Variants in EML6 observed in about 807,000 individuals in gnomAD.
EML6 encodes the protein echinoderm microtubule-associated protein-like 6.
EML6 carries 154 observed loss-of-function variants against 240.1 expected under a neutral mutation model. The ratio of observed to expected loss-of-function variants is 0.64; its 90% CI spans 0.56 to 0.73. The LOEUF (loss-of-function observed/expected upper bound fraction) is 0.73. Among genes scored for constraint, EML6 ranks in the 30% least tolerant of loss-of-function variants. The pLI, the probability that EML6 is intolerant of heterozygous loss-of-function variation, is 0.00. For missense variants in EML6, 2,964 were observed against 2,474.6 expected (o/e 1.20, Z -4.20); for synonymous variants, 1,148 against 899.0 (o/e 1.28, Z -4.95).
intron 5 of EML6, 146 bp downstream of exon 5, chr2:54,820,608 A>T (rs1024615013): frequency 1.1e-5 from 6 of 549,600 alleles, no homozygotes; most frequent in African/African-American, 1.9e-5. Flanking sequence ...CTGCTCCTGA[A>T]GCAAACTAAC....
In EML6 at chr2:54,915,398, C is replaced by T. The variant is rs145812968; in HGVS notation, c.3499-1361C>T. On this transcript the variant is annotated intron_variant, in intron 25 of 41. Transcript: ENST00000356458. ...TTGGAAGGGAGTCAATGGCCAAAAG[C>T]ATGCTTCCAGAACCAGCAAGGGATG... 2.0e-3 allele frequency among the ~76,000 whole-genome samples: 300 copies of T among 152,228 alleles called. 1 individual carries two copies. The highest frequency in any genetic ancestry group is 6.9e-3 in the African/African-American group (285 of 41,528).
intron 2 of EML6, among the ~76,000 whole-genome samples, chr2:54,749,056 A>G (rs2103692664): frequency 6.6e-6 from 1 of 152,350 alleles, no homozygotes; most frequent in Non-Finnish European, 1.5e-5. Context: ...AGGAATGTGT[A>G]TACTTTGTAT....
At chr2:54,955,842 G>C (rs557956461) in intron 32 of EML6, among the ~76,000 whole-genome samples, 3 of 152,194 alleles carry the variant, frequency 2.0e-5, no homozygotes, top group African/African-American at 7.2e-5. Context: ...CACCTCTTCC[G>C]GGTTGACCAC....
chr2:54,794,759 C>G (rs767858039), intron 2 of EML6, among the ~76,000 whole-genome samples: 2 of 152,064 alleles, frequency 1.3e-5, no homozygotes, highest in African/African-American at 4.8e-5. Context: ...GTTCAGCTTA[C>G]AAAAATTGTA....
At chr2:54,955,155 G>C (rs1676173217) in intron 32 of EML6, among the ~76,000 whole-genome samples, 1 of 152,198 alleles carries the variant, frequency 6.6e-6, no homozygotes, top group African/African-American at 2.4e-5. Context: ...CTCATTCTCT[G>C]GTTCACCAGT....
chr2:54,853,715 C>G lies in EML6; in HGVS notation c.1517C>G (p.Pro506Arg). The change falls in exon 11 of 42, where the codon CCT (proline) becomes CGT (arginine). Residue 506 changes from proline (P) to arginine (R), a missense_variant. By Grantham distance (103) the Pro-to-Arg change is moderately radical (BLOSUM62 -2). Transcript: ENST00000356458. ...GCCTCCTGGACATGCGTGAAAGGCC[C>G]TGAAGTGAGTGGAATTTGGCCCAAA... is the stretch of plus-strand genomic sequence containing the variant. ...PWASWTCVKGPEVSGIWPKYT... is the reference protein window; with the variant it reads ...PWASWTCVKGREVSGIWPKYT... 1.9e-6 allele frequency: 3 copies of G among 1,551,502 alleles called. No homozygotes were observed. The South Asian group carries it at 3.6e-5, about 18-fold the overall frequency.
At chr2:54,792,417 G>A (rs139942596) in intron 2 of EML6, among the ~76,000 whole-genome samples, 2,252 of 152,290 alleles carry the variant, frequency 0.015, 28 homozygotes, top group Non-Finnish European at 0.022. Flanking sequence ...TTGGGGCTTT[G>A]AATAGGCATC....
At chr2:54,856,639 C>T (rs1167744989) in intron 11 of EML6, among the ~76,000 whole-genome samples, 1 of 152,098 alleles carries the variant, frequency 6.6e-6, no homozygotes, top group African/African-American at 2.4e-5. Context: ...AGCAGGAAGG[C>T]CAGTGTGGCT....
At position 54,869,076 on chromosome 2, in the gene EML6, C is replaced by T. The variant is rs73938642; in HGVS notation, c.2052-105C>T. ...GTCCTATGTGACACCTGGGGTTCCA[C>T]TTGTACATGTTCACGTCAATATGTT... is the stretch of plus-strand genomic sequence containing the variant. On this transcript the variant is annotated intron_variant, in intron 14 of 41. Transcript: ENST00000356458. The T allele has an allele frequency of 0.013, 8,977 of 690,892 alleles. 552 individuals carry two copies. The African/African-American group carries it at 0.13, about 10-fold the overall frequency. 42.8% of individuals were successfully genotyped at this position (690,892 alleles called of 1,614,324 possible).
chr2:54,860,671 C>CGG (rs547074191), intron 12 of EML6, among the ~76,000 whole-genome samples: 158 of 152,316 alleles, frequency 1.0e-3, no homozygotes, highest in Non-Finnish European at 1.9e-3. Flanking sequence ...CCTCCCACTT[C>CGG]GGGGAGCAGA....
intron 24 of EML6, among the ~76,000 whole-genome samples, chr2:54,908,461 C>T (rs1174483662): frequency 6.6e-6 from 1 of 152,072 alleles, no homozygotes; most frequent in Non-Finnish European, 1.5e-5. Flanking sequence ...GTAATAATAA[C>T]AGATGAGTTT....
rs902749113 is a variant in EML6, at chr2:54,963,947, G to A, written c.5158-39G>A. 34 of 1,523,070 alleles carry A rather than the reference G, an allele frequency of 2.2e-5. No individual in the cohort carries two copies. In the Admixed American group the frequency reaches 7.2e-4, roughly 32 times the overall value. The allele number at this position is 1,523,070 out of a possible 1,614,324, so 94.3% of individuals were successfully genotyped here. On this transcript the variant is annotated intron_variant, in intron 36 of 41. Coordinates refer to ENST00000356458, the MANE Select transcript of EML6 (RefSeq NM_001039753.4). ...ATGTCTCCTGGAGACCAGCTGAGGG[G>A]GCCAAGAGCTCAGGTGACTTTCCTT... is the stretch of plus-strand genomic sequence containing the variant.
At chr2:54,836,106 C>A (rs1669127076) in intron 7 of EML6, among the ~76,000 whole-genome samples, 2 of 152,190 alleles carry the variant, frequency 1.3e-5, no homozygotes, top group Admixed American at 1.3e-4. Flanking sequence ...TAGAAGAACA[C>A]TGCAGAGGCC....
chr2:54,967,321 T>C (rs893232884), intron 39 of EML6: 35 of 335,642 alleles, frequency 1.0e-4, no homozygotes, highest in African/African-American at 6.6e-4. Context: ...CCTCTTTTTG[T>C]GTAATTTCTT....
At chr2:54,819,668 C>T (rs777477953) in intron 4 of EML6, among the ~76,000 whole-genome samples, 3 of 149,222 alleles carry the variant, frequency 2.0e-5, no homozygotes, top group Non-Finnish European at 3.0e-5. Context: ...CCCAGCTACT[C>T]GGGAGGCTGA....
At chr2:54,869,888 A>G (rs977026964) in intron 15 of EML6, among the ~76,000 whole-genome samples, 2 of 152,210 alleles carry the variant, frequency 1.3e-5, no homozygotes, top group African/African-American at 4.8e-5. Context: ...AAAAGCTGCT[A>G]AAACAGGGAC....
chr2:54,934,354 C>A (rs947889847), intron 28 of EML6, among the ~76,000 whole-genome samples: 2 of 152,024 alleles, frequency 1.3e-5, no homozygotes, highest in African/African-American at 4.8e-5. Context: ...CCTCCCTTGA[C>A]GAGAGACTGG....
chr2:54,895,268 C>T lies in EML6; in HGVS notation c.2855-5C>T, dbSNP rs547955128. 6.4e-7 allele frequency: 1 copy of T among 1,551,510 alleles called. No homozygotes were observed. Among genetic ancestry groups the T allele is most frequent in the Non-Finnish European group, 8.7e-7 (1 of 1,146,826 alleles). On this transcript the variant is annotated splice_region_variant and splice_polypyrimidine_tract_variant and intron_variant, in intron 20 of 41. Transcript: ENST00000356458. ...TTGTGTTAAATATACCATCCCCTTC[C>T]CCAGGCTTGCTTTTGGAAGATAACC...
intron 2 of EML6, among the ~76,000 whole-genome samples, chr2:54,804,992 C>T (rs1011737018): frequency 3.3e-5 from 5 of 151,944 alleles, no homozygotes; most frequent in Non-Finnish European, 5.9e-5. Context: ...ATTTTCATAC[C>T]TTTTTATTTT....
Sources: gnomAD v4.1 joint callset for allele counts (sites outside exome capture counted in the v4.1 genomes callset) on GRCh38, gnomAD v4.1.1 for gene constraint, MANE v1.5 for transcripts, NCBI Gene and HGNC (gene_info 2026-07-23, HGNC 2026-07-21) for gene names.